NEBL: variants seen among roughly 807,000 people sequenced by gnomAD.
The protein encoded by NEBL is LIM and SH3 protein 2.
NEBL carries 122 observed loss-of-function variants against 140.2 expected under a neutral mutation model. The ratio of observed to expected loss-of-function variants is 0.87; its 90% CI spans 0.75 to 1.01. The LOEUF is 1.01. Among genes scored for constraint, NEBL ranks in the 50% least tolerant of loss-of-function variants. The pLI, the probability that NEBL is intolerant of heterozygous loss-of-function variation, is 0.00. For synonymous variants in NEBL, 436 were observed against 398.9 expected (o/e 1.09, Z -1.11); for missense variants, 1,365 against 1,231.3 (o/e 1.11, Z -1.62).
chr10:21,031,287 A>G (rs1312392770), intron 2 of NEBL, among the ~76,000 whole-genome samples: 4 of 152,198 alleles, frequency 2.6e-5, no homozygotes, highest in African/African-American at 9.7e-5. Flanking sequence ...TGCCACCACA[A>G]CTACCCCAGG....
chr10:20,847,425 A>T (rs1465826630), intron 11 of NEBL, among the ~76,000 whole-genome samples: 2 of 152,202 alleles, frequency 1.3e-5, no homozygotes. Context: ...TAAAATCCCA[A>T]ATCATAAATT....
At chr10:20,890,719 G>T (rs1248685260) in intron 2 of NEBL, among the ~76,000 whole-genome samples, 2 of 152,226 alleles carry the variant, frequency 1.3e-5, no homozygotes, top group African/African-American at 2.4e-5. Flanking sequence ...CCCCTTTGGG[G>T]ATAGGCCAGA....
At chr10:21,086,655 G>A (rs562173094) in intron 2 of NEBL, among the ~76,000 whole-genome samples, 1 of 152,240 alleles carries the variant, frequency 6.6e-6, no homozygotes, top group Admixed American at 6.5e-5. Flanking sequence ...GTGTGCACCT[G>A]TAGTCCCAGC....
At chr10:21,199,831 G>A (rs1407646385) in intron 3 of NEBL, among the ~76,000 whole-genome samples, 1 of 152,200 alleles carries the variant, frequency 6.6e-6, no homozygotes, top group African/African-American at 2.4e-5. Flanking sequence ...CTGGCTGGAG[G>A]TTATGGAAAG....
intron 1 of NEBL, among the ~76,000 whole-genome samples, chr10:21,268,346 G>T (rs1184575302): frequency 2.0e-5 from 3 of 152,032 alleles, no homozygotes; most frequent in South Asian, 2.1e-4. Flanking sequence ...ATAGTGGCAT[G>T]GTGGTATGCA....
chr10:20,880,499 T>C (rs1351973589), intron 5 of NEBL, among the ~76,000 whole-genome samples: 1 of 152,196 alleles, frequency 6.6e-6, no homozygotes, highest in African/African-American at 2.4e-5. Context: ...AGCTTCAGCA[T>C]CAAGTCAAGG....
intron 4 of NEBL, among the ~76,000 whole-genome samples, chr10:20,887,608 G>A (rs569248638): frequency 1.7e-4 from 26 of 152,062 alleles, no homozygotes; most frequent in African/African-American, 5.8e-4. Flanking sequence ...GTAGAGACCA[G>A]CTTTTGCCAT....
At chr10:20,961,812 A>T in intron 3 of NEBL, 1 of 1,517,984 alleles carries the variant, frequency 6.6e-7, no homozygotes, top group Non-Finnish European at 9.1e-7. Flanking sequence ...AAGTGAACAG[A>T]GGGATCACGA....
intron 4 of NEBL, among the ~76,000 whole-genome samples, chr10:20,885,125 G>A (rs183159580): frequency 6.6e-6 from 1 of 152,296 alleles, no homozygotes; most frequent in East Asian, 1.9e-4. Flanking sequence ...AACCCAGAAT[G>A]TCATTAAATT....
chr10:21,195,899 T>C (rs908303224), intron 3 of NEBL, among the ~76,000 whole-genome samples: 3 of 152,212 alleles, frequency 2.0e-5, no homozygotes, highest in African/African-American at 7.2e-5. Context: ...GGGCTGTATA[T>C]TCCCACAACC....
rs1422780294 is a variant in NEBL at position 21,241,081 on chromosome 10, AGAG to A, written n.348+6837_348+6839del. Among the ~76,000 whole-genome samples the A allele has an allele frequency of 1.3e-5, 2 of 152,028 alleles. 1 individual carries two copies. The highest frequency in any genetic ancestry group is 4.8e-5 in the African/African-American group (2 of 41,394). On this transcript the variant is annotated intron_variant and non_coding_transcript_variant, in intron 3 of 8. Coordinates refer to the NEBL transcript ENST00000675702. ...TTATCAGCTTCACAGATTTGTGAAA[AGAG>A]GAGTTCTTCCCAGATTGAAATATGT...
chr10:21,148,827 C>T (rs1840021120), intron 2 of NEBL, among the ~76,000 whole-genome samples: 1 of 152,106 alleles, frequency 6.6e-6, no homozygotes, highest in Non-Finnish European at 1.5e-5. Context: ...CGCCCGGCCC[C>T]TGTCCTCCTT....
chr10:21,064,215 G>A (rs537440902), intron 2 of NEBL, among the ~76,000 whole-genome samples: 31 of 122,372 alleles, frequency 2.5e-4, no homozygotes, highest in East Asian at 1.7e-3. Flanking sequence ...TAGAGTTAAC[G>A]TCAAAAAAAT....
chr10:21,045,754 T>C (rs543343029), intron 2 of NEBL, among the ~76,000 whole-genome samples: 16 of 152,324 alleles, frequency 1.1e-4, no homozygotes, highest in Admixed American at 1.3e-4. Flanking sequence ...CCCTTGTACA[T>C]TGTTGATGAA....
At position 20,877,297 on chromosome 10, in the gene NEBL, T is replaced by A. The variant is rs145454831; in HGVS notation, c.480+3497A>T. Among the ~76,000 whole-genome samples the A allele has an allele frequency of 4.9e-3, 748 of 152,266 alleles. 9 individuals carry two copies. The highest frequency in any genetic ancestry group is 0.017 in the African/African-American group (714 of 41,540). ...ATGAGAAAATGGAGATTTAGAGACA[T>A]TAAGTAACTCATCCAGGGTCATCCA... is the stretch of plus-strand genomic sequence containing the variant. On this transcript the variant is annotated intron_variant, in intron 5 of 27. Coordinates refer to ENST00000377122, the MANE Select transcript of NEBL (RefSeq NM_006393.3).
chr10:21,042,327 T>C (rs1426406356), intron 2 of NEBL, among the ~76,000 whole-genome samples: 1 of 152,220 alleles, frequency 6.6e-6, no homozygotes, highest in African/African-American at 2.4e-5. Flanking sequence ...CACAGGCTTG[T>C]CTACCAGCAG....
chr10:20,880,350 GCT>G (rs748513488), intron 5 of NEBL, among the ~76,000 whole-genome samples: 3 of 152,048 alleles, frequency 2.0e-5, no homozygotes, highest in Non-Finnish European at 2.9e-5. Context: ...ACAGAGCGAG[GCT>G]CTGTGTCAAA....
intron 3 of NEBL, among the ~76,000 whole-genome samples, chr10:21,196,785 T>C (rs1841659463): frequency 6.6e-6 from 1 of 152,220 alleles, no homozygotes; most frequent in South Asian, 2.1e-4. Flanking sequence ...GACAAAAAAA[T>C]AGTTTTAACC....
At chr10:21,128,855 C>T (rs1838964565) in intron 2 of NEBL, among the ~76,000 whole-genome samples, 1 of 152,104 alleles carries the variant, frequency 6.6e-6, no homozygotes, top group Non-Finnish European at 1.5e-5. Flanking sequence ...TCTCCATCTT[C>T]AATGAACAGC....
Sources: allele counts gnomAD v4.1 joint callset (sites outside exome capture counted in the v4.1 genomes callset), GRCh38; gene constraint gnomAD v4.1.1; transcripts MANE v1.5; gene names NCBI Gene and HGNC (gene_info 2026-07-23, HGNC 2026-07-21).